The following SCEL variants were observed in gnomAD, a reference collection of about 807,000 sequenced individuals.
SCEL encodes the protein sciellin.
A neutral mutation model predicts 117.6 loss-of-function variants in SCEL; 113 were observed. That is an observed-to-expected ratio of 0.96 (90% confidence interval 0.83 to 1.12). The LOEUF is 1.12. Among genes scored for constraint, SCEL ranks in the 50% most tolerant of loss-of-function variants. The pLI is 0.00. For synonymous variants in SCEL, 270 were observed against 256.2 expected, an observed-to-expected ratio of 1.05 and a Z score of -0.51; for missense variants, 785 against 810.8, an observed-to-expected ratio of 0.97 and a Z score of 0.39.
chr13:77,572,915 A>G (rs529433255), intron 9 of SCEL, among the ~76,000 whole-genome samples: 5 of 152,214 alleles, frequency 3.3e-5, no homozygotes, highest in African/African-American at 1.2e-4. Context: ...AGAGTCAGGC[A>G]TCAGACAGGG....
chr13:77,556,681 C>T lies in SCEL; in HGVS notation c.129C>T (p.Asn43=). The T allele has an allele frequency of 1.2e-6, 2 of 1,613,926 alleles. No individual in the cohort carries two copies. Among genetic ancestry groups the T allele is most frequent in the South Asian group, 2.2e-5 (2 of 91,080 alleles). The stretch of plus-strand genomic sequence containing the variant: ...AAAGAAGAACTTTCTTACAGGATAA[C>T]AGTTGGATAAAGAAACGCCCTGAAG... ...VNKRRTFLQD[N]SWIKKRPEEE... is the part of the protein sequence containing the mutation. The change falls in exon 3 of 33, where the codon AAC becomes AAT. Residue 43 remains asparagine, a synonymous_variant. Transcript: ENST00000349847.
At position 77,608,080 on chromosome 13, in the gene SCEL, C is replaced by T; in HGVS notation, c.1182C>T (p.Ile394=). The change falls in exon 20 of 33, where the codon ATC becomes ATT. Residue 394 remains isoleucine (I), a synonymous_variant. Coordinates refer to ENST00000349847, the MANE Select transcript of SCEL (RefSeq NM_144777.3). ...GGGGCCAGAGCCTTGATAATCTCAT[C>T]AAAGTGACCCCTGAAGTAAAGAGAA... is the stretch of plus-strand genomic sequence containing the variant. ...ITRGQSLDNL[I]KVTPEVKRSN... 6.2e-7 allele frequency: 1 copy of T among 1,613,460 alleles called. No individual in the cohort carries two copies. The highest frequency in any genetic ancestry group is 8.5e-7 in the Non-Finnish European group (1 of 1,179,568).
chr13:77,568,440 C>A, intron 7 of SCEL, 107 bp downstream of exon 7: 2 of 652,412 alleles, frequency 3.1e-6, no homozygotes, highest in Middle Eastern at 2.6e-4. Flanking sequence ...GCCCCTATTG[C>A]TCTGGCAGAG....
At chr13:77,571,730 T>TATAG (rs1294104312) in intron 8 of SCEL, among the ~76,000 whole-genome samples, 102 of 150,306 alleles carry the variant, frequency 6.8e-4, no homozygotes, top group African/African-American at 2.3e-3. Flanking sequence ...TATATATATA[T>TATAG]AGAGTAGAGT....
chr13:77,619,412 T>C (rs1172555669), intron 27 of SCEL, among the ~76,000 whole-genome samples: 1 of 152,184 alleles, frequency 6.6e-6, no homozygotes, highest in East Asian at 1.9e-4. Context: ...AGAAAGAAAG[T>C]ACACCCTGGA....
chr13:77,643,631 C>T (rs936421416), intron 32 of SCEL, among the ~76,000 whole-genome samples: 1 of 152,052 alleles, frequency 6.6e-6, no homozygotes, highest in East Asian at 1.9e-4. Context: ...GGGACCCCTA[C>T]CTGGGATCCA....
In SCEL at chr13:77,625,845, G is replaced by A. The variant is rs566588880; in HGVS notation, c.1629-2102G>A. Among the ~76,000 whole-genome samples the A allele has an allele frequency of 2.6e-4, 39 of 152,302 alleles. 1 individual carries two copies. The South Asian group carries it at 7.9e-3, about 31-fold the overall frequency. Reference sequence around the variant, plus strand: ...ATTTGAACCCACTATTTAGGACCACGAGAGGGGAGATTTTTAAAAAACAGT... The same window carrying A: ...ATTTGAACCCACTATTTAGGACCACAAGAGGGGAGATTTTTAAAAAACAGT... On this transcript the variant is annotated intron_variant, in intron 27 of 32. Coordinates refer to ENST00000349847, the MANE Select transcript of SCEL (RefSeq NM_144777.3).
chr13:77,544,036 T>A (rs2083866240), intron 1 of SCEL, among the ~76,000 whole-genome samples: 1 of 152,228 alleles, frequency 6.6e-6, no homozygotes, highest in Non-Finnish European at 1.5e-5. Flanking sequence ...CTGACTTCAC[T>A]GAAACCATTC....
chr13:77,589,754 A>T (rs1445966163), intron 10 of SCEL, among the ~76,000 whole-genome samples: 2 of 152,092 alleles, frequency 1.3e-5, no homozygotes, highest in African/African-American at 4.8e-5. Flanking sequence ...TTTGTAATTT[A>T]TTTCAAAACT....
rs1000545579 is a variant in SCEL at position 77,544,594 on chromosome 13, T to C, written c.-20+8770T>C. Reference sequence around the variant, plus strand: ...AAGTTGGCTCAGGGAATTCTTGGCATTGGGACAAGAGGAGCTGGGGCTCAG... The same window carrying C: ...AAGTTGGCTCAGGGAATTCTTGGCACTGGGACAAGAGGAGCTGGGGCTCAG... On this transcript the variant is annotated intron_variant, in intron 1 of 32. Transcript: ENST00000349847. Among the ~76,000 whole-genome samples, 5 of 152,178 alleles carry C rather than the reference T, an allele frequency of 3.3e-5. No homozygotes were observed. The South Asian group carries it at 8.3e-4, about 25-fold the overall frequency.
chr13:77,621,369 C>T (rs1231988634), intron 27 of SCEL, among the ~76,000 whole-genome samples: 2 of 152,164 alleles, frequency 1.3e-5, no homozygotes, highest in African/African-American at 4.8e-5. Flanking sequence ...CACCCTCTAA[C>T]TTGCATACTC....
chr13:77,632,910 T>C (rs1353465754), intron 28 of SCEL, among the ~76,000 whole-genome samples: 1 of 152,238 alleles, frequency 6.6e-6, no homozygotes, highest in African/African-American at 2.4e-5. Context: ...TGGATCATTT[T>C]CATTCAATTG....
chr13:77,636,146 G>C (rs536287128), intron 29 of SCEL, among the ~76,000 whole-genome samples: 1 of 152,322 alleles, frequency 6.6e-6, no homozygotes, highest in African/African-American at 2.4e-5. Context: ...TTGACAGGCA[G>C]CGTGGTACAG....
chr13:77,542,582 C>A (rs927562757), intron 1 of SCEL, among the ~76,000 whole-genome samples: 1 of 152,172 alleles, frequency 6.6e-6, no homozygotes, highest in African/African-American at 2.4e-5. Context: ...TCACAGAAGG[C>A]TAAATGAATC....
chr13:77,628,050 A>G (rs1342396698), intron 28 of SCEL, 41 bp downstream of exon 28: 5 of 817,034 alleles, frequency 6.1e-6, no homozygotes, highest in Non-Finnish European at 9.4e-6. Flanking sequence ...TATGAGTTCT[A>G]TATGCATCTG....
chr13:77,608,236 C>T (rs376707902), intron 20 of SCEL, 121 bp downstream of exon 20: 1 of 648,584 alleles, frequency 1.5e-6, no homozygotes, highest in Non-Finnish European at 2.6e-6. Flanking sequence ...CATTACTTAC[C>T]AGCTTGGTGT....
chr13:77,572,033 A>T (rs545291744), intron 8 of SCEL, 91 bp from the exon 9 acceptor site: 1 of 1,062,806 alleles, frequency 9.4e-7, no homozygotes. Context: ...GTATAATCTC[A>T]TTGTCTTTTT....
At position 77,555,883 on chromosome 13, in the gene SCEL, A is replaced by G. The variant is rs2084626437; in HGVS notation, c.8A>G (p.Asn3Ser). The G allele has an allele frequency of 1.2e-6, 2 of 1,613,142 alleles. No individual in the cohort carries two copies. The highest frequency in any genetic ancestry group is 8.5e-7 in the Non-Finnish European group (1 of 1,179,230). The change falls in exon 2 of 33, where the codon AAT becomes AGT. Residue 3 changes from asparagine (N) to serine (S), a missense_variant. Transcript: ENST00000349847. MSNVTLRKMSPTG... is the reference protein window; with the variant it reads MSSVTLRKMSPTG... Reference sequence around the variant, plus strand: ...TCCTTACTGGAAGGCAGCATGTCCAATGTTACCTTGAGAAAAATGTCTCCC... The same window carrying G: ...TCCTTACTGGAAGGCAGCATGTCCAGTGTTACCTTGAGAAAAATGTCTCCC...
chr13:77,542,928 C>T (rs1418593177), intron 1 of SCEL, among the ~76,000 whole-genome samples: 3 of 152,106 alleles, frequency 2.0e-5, no homozygotes, highest in South Asian at 2.1e-4. Context: ...CATTGATTTC[C>T]GGGAAACAAG....
Sources: gnomAD v4.1 joint callset for allele counts (sites outside exome capture counted in the v4.1 genomes callset) on GRCh38, gnomAD v4.1.1 for gene constraint, MANE v1.5 for transcripts, NCBI Gene and HGNC (gene_info 2026-07-23, HGNC 2026-07-21) for gene names.